KCNH8: variants seen among roughly 807,000 people sequenced by gnomAD.
KCNH8 encodes potassium voltage-gated channel subfamily H member 8.
Under a neutral mutation model 103.6 loss-of-function variants are expected in KCNH8, and 70 were observed. That is an observed-to-expected ratio of 0.68 (90% confidence interval 0.56 to 0.82). KCNH8 has a LOEUF of 0.82. Ranked by LOEUF, KCNH8 falls within the 40% of genes least tolerant of loss-of-function variation. KCNH8 has a pLI of 0.00. For synonymous variants in KCNH8, 498 were observed against 489.4 expected (o/e 1.02, Z -0.23); for missense variants, 1,217 against 1,329.9 (o/e 0.92, Z 1.32).
intron 3 of KCNH8, among the ~76,000 whole-genome samples, chr3:19,339,037 T>G (rs1247379718): frequency 1.3e-5 from 2 of 152,114 alleles, no homozygotes; most frequent in Admixed American, 6.6e-5. Context: ...TTAGAAATAT[T>G]GCTGTCAGGA....
At chr3:19,479,238 A>T (rs2068038638) in intron 11 of KCNH8, among the ~76,000 whole-genome samples, 1 of 152,126 alleles carries the variant, frequency 6.6e-6, no homozygotes, top group Non-Finnish European at 1.5e-5. Context: ...CAGAAACTCT[A>T]AATTCAGAGC....
At chr3:19,313,039 G>A (rs1350324903) in intron 3 of KCNH8, among the ~76,000 whole-genome samples, 1 of 49,338 alleles carries the variant, frequency 2.0e-5, no homozygotes, top group East Asian at 4.1e-4. Context: ...GCTTTCACGG[G>A]ATGTCTTGGC....
At chr3:19,206,168 G>GTATATATA (rs750765830) in intron 1 of KCNH8, among the ~76,000 whole-genome samples, 39 of 139,238 alleles carry the variant, frequency 2.8e-4, no homozygotes, top group African/African-American at 9.5e-4. Context: ...TGGTGTGTGT[G>GTATATATA]TATATATATA....
intron 11 of KCNH8, among the ~76,000 whole-genome samples, chr3:19,501,317 A>T (rs1415930194): frequency 5.9e-5 from 9 of 152,322 alleles, no homozygotes; most frequent in Middle Eastern, 3.4e-3. Context: ...TCCAGACCAG[A>T]TGGATTCACA....
intron 3 of KCNH8, among the ~76,000 whole-genome samples, chr3:19,310,462 A>G (rs116342376): frequency 1.6e-3 from 236 of 152,006 alleles, no homozygotes; most frequent in Non-Finnish European, 2.7e-3. Flanking sequence ...TGAAATGTCA[A>G]TATATAGGAT....
At chr3:19,291,494 G>A (rs555401791) in intron 3 of KCNH8, among the ~76,000 whole-genome samples, 67 of 152,126 alleles carry the variant, frequency 4.4e-4, no homozygotes, top group Non-Finnish European at 7.5e-4. Context: ...CCTTCATTTC[G>A]TTATGTACCC....
intron 3 of KCNH8, among the ~76,000 whole-genome samples, chr3:19,295,377 C>G (rs1295251817): frequency 2.1e-5 from 3 of 142,090 alleles, no homozygotes; most frequent in East Asian, 4.2e-4. Flanking sequence ...TAGAGAGACC[C>G]TGTCTCAAAT....
chr3:19,480,475 T>G (rs1055665745), intron 11 of KCNH8, among the ~76,000 whole-genome samples: 6 of 152,194 alleles, frequency 3.9e-5, no homozygotes, highest in Non-Finnish European at 2.9e-5. Flanking sequence ...CTACAATAAT[T>G]AGTGGAAATT....
At position 19,376,126 on chromosome 3, in the gene KCNH8, CCCAGTTCGAGCGT is replaced by C. The variant is rs749009334; in HGVS notation, c.812-14350_812-14338del. ...CCTCCTTGAGCTGTGGTGGGCTCCA[CCCAGTTCGAGCGT>C]CCAGGCTGCTTTGTTTACCTAAGCA... On this transcript the variant is annotated intron_variant, in intron 5 of 15. Coordinates refer to ENST00000328405, the MANE Select transcript of KCNH8 (RefSeq NM_144633.3). Among the ~76,000 whole-genome samples the C allele has an allele frequency of 3.2e-3, 490 of 152,184 alleles. 2 individuals carry two copies. The highest frequency in any genetic ancestry group is 5.8e-3 in the Non-Finnish European group (396 of 68,026).
intron 1 of KCNH8, among the ~76,000 whole-genome samples, chr3:19,222,720 A>G (rs1172221177): frequency 6.6e-6 from 1 of 152,182 alleles, no homozygotes; most frequent in Non-Finnish European, 1.5e-5. Context: ...AGCCAGTTGT[A>G]GAGCCTTTGA....
intron 3 of KCNH8, among the ~76,000 whole-genome samples, chr3:19,337,610 A>G (rs1474114626): frequency 1.3e-5 from 2 of 152,002 alleles, no homozygotes; most frequent in African/African-American, 2.4e-5. Context: ...CACTCTTACT[A>G]GATAATTTCA....
At chr3:19,449,872 T>A (rs1354549617) in intron 8 of KCNH8, among the ~76,000 whole-genome samples, 2 of 152,090 alleles carry the variant, frequency 1.3e-5, no homozygotes, top group African/African-American at 4.8e-5. Flanking sequence ...GATTGAGTAT[T>A]TTTAAAGATA....
At chr3:19,423,747 G>A (rs190704976) in intron 7 of KCNH8, among the ~76,000 whole-genome samples, 1 of 152,152 alleles carries the variant, frequency 6.6e-6, no homozygotes, top group African/African-American at 2.4e-5. Context: ...AAACATTTGT[G>A]TGCAAGTGTC....
At chr3:19,417,043 C>T (rs1208294841) in intron 7 of KCNH8, among the ~76,000 whole-genome samples, 1 of 151,784 alleles carries the variant, frequency 6.6e-6, no homozygotes, top group Admixed American at 6.6e-5. Context: ...GATTAGCTTC[C>T]CACCTCTTCC....
intron 7 of KCNH8, among the ~76,000 whole-genome samples, chr3:19,420,970 T>C (rs1295444235): frequency 1.3e-5 from 2 of 152,134 alleles, no homozygotes; most frequent in African/African-American, 4.8e-5. Flanking sequence ...TGTGTGTGTG[T>C]ACACATGCAT....
chr3:19,378,020 T>C (rs2066235133), intron 5 of KCNH8, among the ~76,000 whole-genome samples: 1 of 152,114 alleles, frequency 6.6e-6, no homozygotes, highest in Admixed American at 6.6e-5. Flanking sequence ...TGAAGGCTAG[T>C]AGGGAGAGGT....
At chr3:19,348,877 G>T (rs1364771031) in intron 5 of KCNH8, among the ~76,000 whole-genome samples, 1 of 150,650 alleles carries the variant, frequency 6.6e-6, no homozygotes, top group Non-Finnish European at 1.5e-5. Context: ...TCAAAACCTT[G>T]GTTCAATGGT....
chr3:19,293,135 G>A (rs2125283500), intron 3 of KCNH8, among the ~76,000 whole-genome samples: 1 of 152,278 alleles, frequency 6.6e-6, no homozygotes, highest in Non-Finnish European at 1.5e-5. Flanking sequence ...ATCCTACAAT[G>A]TAGAAGAATG....
intron 8 of KCNH8, among the ~76,000 whole-genome samples, chr3:19,438,723 C>G (rs1427435670): frequency 6.6e-6 from 1 of 152,166 alleles, no homozygotes; most frequent in Non-Finnish European, 1.5e-5. Context: ...GCCCTGCCCA[C>G]TAGGATATGT....
Sources: allele counts gnomAD v4.1 joint callset (sites outside exome capture counted in the v4.1 genomes callset), GRCh38; gene constraint gnomAD v4.1.1; transcripts MANE v1.5; gene names NCBI Gene and HGNC (gene_info 2026-07-23, HGNC 2026-07-21).